Variants in PCDHGA10 observed in about 807,000 individuals in gnomAD.
PCDHGA10 encodes the protein protocadherin gamma-A10.
A neutral mutation model predicts 59.5 loss-of-function variants in PCDHGA10; 42 were observed. The observed-to-expected ratio is 0.71, with a 90% CI of 0.55 to 0.91. The LOEUF (loss-of-function observed/expected upper bound fraction) is 0.91. PCDHGA10 is among the 40% of genes least tolerant of loss of function. PCDHGA10 has a pLI of 0.00. For missense variants in PCDHGA10, 1,111 were observed against 1,198.2 expected (o/e 0.93, Z 1.07); for synonymous variants, 511 against 517.2 (o/e 0.99, Z 0.16).
intron 1 of PCDHGA10, among the ~76,000 whole-genome samples, chr5:141,435,592 C>T (rs573084790): frequency 1.3e-5 from 2 of 152,060 alleles, no homozygotes; most frequent in African/African-American, 2.4e-5. Flanking sequence ...GCAGTAATAT[C>T]GCCTGCTTTT....
At chr5:141,428,493 T>G in intron 1 of PCDHGA10, 1 of 307,146 alleles carries the variant, frequency 3.3e-6, no homozygotes, top group Non-Finnish European at 6.3e-6. Context: ...GCAATCTGTA[T>G]GTTCCCTCGG....
intron 1 of PCDHGA10, chr5:141,478,583 C>G: frequency 6.3e-7 from 1 of 1,578,146 alleles, no homozygotes; most frequent in Non-Finnish European, 8.6e-7. Context: ...CCTGTTAGTG[C>G]TTTTTTATTC....
rs1562059777 is a variant in PCDHGA10, at chr5:141,477,098, G to C, written c.2437-17709G>C. 6.2e-7 allele frequency: 1 copy of C among 1,614,242 alleles called. No individual in the cohort carries two copies. Among genetic ancestry groups the C allele is most frequent in the Non-Finnish European group, 8.5e-7 (1 of 1,180,046 alleles). ...GATTTACATCCAGGCCAAAGACAAG[G>C]GCGCCAATCCCGAAGGAGCACATTG... On this transcript the variant is annotated intron_variant, in intron 1 of 3. Transcript: ENST00000398610. This position sits in a 1 kb window ranked among gnomAD's most constrained non-coding sequence, Gnocchi z 4.9.
Position 141,476,500 on chromosome 5 carries a change from C to A in PCDHGA10, c.2437-18307C>A. The A allele has an allele frequency of 6.2e-7, 1 of 1,613,874 alleles. No homozygotes were observed. The highest frequency in any genetic ancestry group is 8.5e-7 in the Non-Finnish European group (1 of 1,179,950). ...GCGTGGAAGTGGTGATCCAGGACAT[C>A]AACGACAACAATCCTGCTTTCCCTA... On this transcript the variant is annotated intron_variant, in intron 1 of 3. Coordinates refer to ENST00000398610, the MANE Select transcript of PCDHGA10 (RefSeq NM_018913.3). The surrounding 1 kb of genome is among the most constrained non-coding windows in gnomAD (Gnocchi z 7.6).
chr5:141,512,275 A>G lies in PCDHGA10; in HGVS notation c.*1102A>G, dbSNP rs368275103. 1 of 152,730 alleles carries G rather than the reference A, an allele frequency of 6.5e-6. No individual in the cohort carries two copies. The highest frequency in any genetic ancestry group is 2.1e-4 in the South Asian group (1 of 4,824). The allele number at this position is 152,730 out of a possible 1,614,324, so 9.5% of individuals were successfully genotyped here. ...GGGTGCTGGGTACTCCAGAGGTGCC[A>G]CTGGTGGAAGGGTCAGCGGAGCCCC... On this transcript the variant is annotated 3_prime_UTR_variant, in exon 4 of 4. Transcript: ENST00000398610.
chr5:141,421,297 C>T (rs143092131), intron 1 of PCDHGA10: 106 of 1,613,512 alleles, frequency 6.6e-5, no homozygotes, highest in Non-Finnish European at 8.5e-5. Flanking sequence ...CCTGGGGACG[C>T]TGCGGGGGTT....
intron 1 of PCDHGA10, chr5:141,427,524 C>T (rs1421119651): frequency 1.6e-6 from 1 of 610,726 alleles, no homozygotes; most frequent in South Asian, 1.5e-5. Flanking sequence ...GGAGCGGATC[C>T]CGGAGTACAA....
intron 1 of PCDHGA10, chr5:141,419,370 A>G (rs1460064670): frequency 1.9e-6 from 3 of 1,613,574 alleles, no homozygotes; most frequent in African/African-American, 2.7e-5. Context: ...CTGTCGTCCT[A>G]CGTGTCCGTG....
chr5:141,448,524 T>C (rs1177408162), intron 1 of PCDHGA10, among the ~76,000 whole-genome samples: 1 of 152,194 alleles, frequency 6.6e-6, no homozygotes, highest in Non-Finnish European at 1.5e-5. Context: ...TTATTAAGCA[T>C]CCTGTCAGCA....
rs2099756055 is a variant in PCDHGA10, at chr5:141,494,679, C to T, written c.2437-128C>T. The T allele has an allele frequency of 3.9e-6, 6 of 1,556,494 alleles. No homozygotes were observed. In the South Asian group the frequency reaches 4.7e-5, roughly 12 times the overall value. ...GTCTTTGGAGATGAGTCCACCCCTG[C>T]CCCCTCTTAGTCCGTTTTCTTCTCT... is the stretch of plus-strand genomic sequence containing the variant. On this transcript the variant is annotated intron_variant, in intron 1 of 3. Coordinates refer to ENST00000398610, the MANE Select transcript of PCDHGA10 (RefSeq NM_018913.3).
rs756915110 is a variant in PCDHGA10, at chr5:141,490,431, T to C, written c.2437-4376T>C. 6 of 1,614,036 alleles carry C rather than the reference T, an allele frequency of 3.7e-6. No individual in the cohort carries two copies. In the South Asian group the frequency reaches 6.6e-5, roughly 18 times the overall value. ...TCTCTCCGGACCTGCCATTTCAGATTAAGCCTTCTGAGAACCACTACTCGC... is the reference window on the plus strand; with the variant it reads ...TCTCTCCGGACCTGCCATTTCAGATCAAGCCTTCTGAGAACCACTACTCGC... On this transcript the variant is annotated intron_variant, in intron 1 of 3. Transcript: ENST00000398610. The surrounding 1 kb of genome is among the most constrained non-coding windows in gnomAD (Gnocchi z 5.4).
chr5:141,450,733 C>T (rs886761152), intron 1 of PCDHGA10, among the ~76,000 whole-genome samples: 24 of 152,198 alleles, frequency 1.6e-4, no homozygotes, highest in African/African-American at 5.3e-4. Context: ...GTGATCCGCC[C>T]GCCTTGGCCT....
intron 1 of PCDHGA10, among the ~76,000 whole-genome samples, chr5:141,463,489 C>T (rs1190438683): frequency 7.2e-6 from 1 of 138,270 alleles, no homozygotes; most frequent in African/African-American, 2.8e-5. Context: ...CGCTCTGTCA[C>T]CCAGGCTGGA....
rs112731052 is a variant in PCDHGA10 at position 141,457,109 on chromosome 5, A to G, written c.2437-37698A>G. ...TATAAGGATACTAATTAAGCAAAAT[A>G]CGACAGCAATGGAAACTCTGTCCAA... is the stretch of plus-strand genomic sequence containing the variant. On this transcript the variant is annotated intron_variant, in intron 1 of 3. Coordinates refer to ENST00000398610, the MANE Select transcript of PCDHGA10 (RefSeq NM_018913.3). 8.3e-3 allele frequency among the ~76,000 whole-genome samples: 1,258 copies of G among 152,360 alleles called. 17 individuals are homozygous for G. Among genetic ancestry groups the G allele is most frequent in the African/African-American group, 0.029 (1,195 of 41,578 alleles).
In PCDHGA10 at chr5:141,423,390, T is replaced by C. The variant is rs751337994; in HGVS notation, c.2436+7779T>C. ...TGGCACTCAGGCTGTGGCGCTGGCATAAGTCACGCCTGCTGCAGGCTTCTG... is the reference window on the plus strand; with the variant it reads ...TGGCACTCAGGCTGTGGCGCTGGCACAAGTCACGCCTGCTGCAGGCTTCTG... On this transcript the variant is annotated intron_variant, in intron 1 of 3. Coordinates refer to ENST00000398610, the MANE Select transcript of PCDHGA10 (RefSeq NM_018913.3). 2.5e-6 allele frequency: 4 copies of C among 1,614,144 alleles called. No homozygotes were observed. In the South Asian group the frequency reaches 3.3e-5, roughly 13 times the overall value.
Position 141,432,082 on chromosome 5 carries a change from C to G in PCDHGA10, c.2436+16471C>G. The G allele has an allele frequency of 1.2e-6, 2 of 1,614,184 alleles. No individual in the cohort carries two copies. The highest frequency in any genetic ancestry group is 1.7e-6 in the Non-Finnish European group (2 of 1,180,028). On this transcript the variant is annotated intron_variant, in intron 1 of 3. Coordinates refer to ENST00000398610, the MANE Select transcript of PCDHGA10 (RefSeq NM_018913.3). This position sits in a 1 kb window ranked among gnomAD's most constrained non-coding sequence, Gnocchi z 6.0. Reference sequence around the variant, plus strand: ...CCACGGAAACTCATATCTCGCTGAACGTGGCAGACACCAACGACAACCCGC... The same window carrying G: ...CCACGGAAACTCATATCTCGCTGAAGGTGGCAGACACCAACGACAACCCGC...
intron 2 of PCDHGA10, among the ~76,000 whole-genome samples, chr5:141,499,298 C>A (rs1239333151): frequency 6.6e-6 from 1 of 152,210 alleles, no homozygotes; most frequent in African/African-American, 2.4e-5. Context: ...ACACTACCAT[C>A]CCTCCTCTGA....
At chr5:141,427,776 G>T (rs3828681) in intron 1 of PCDHGA10, 8 of 1,424,704 alleles carry the variant, frequency 5.6e-6, no homozygotes, top group Non-Finnish European at 9.8e-7. Context: ...GGAGCTGCGG[G>T]CACTGTCGTC....
intron 1 of PCDHGA10, chr5:141,419,897 A>G: frequency 1.2e-6 from 2 of 1,613,960 alleles, no homozygotes; most frequent in African/African-American, 2.7e-5. Flanking sequence ...CGACCATCCC[A>G]CACCCTCTGA....
Sources: gnomAD v4.1 joint callset for allele counts (sites outside exome capture counted in the v4.1 genomes callset) on GRCh38, gnomAD v4.1.1 for gene constraint, Gnocchi (gnomAD v3.1) non-coding constraint, MANE v1.5 for transcripts, NCBI Gene and HGNC (gene_info 2026-07-23, HGNC 2026-07-21) for gene names.